SLCO3A1: variants seen among roughly 807,000 people sequenced by gnomAD.
SLCO3A1 encodes PGE1 transporter.
A neutral mutation model predicts 63.1 loss-of-function variants in SLCO3A1; 27 were observed. The ratio of observed to expected loss-of-function variants is 0.43; its 90% CI spans 0.32 to 0.59. The LOEUF (loss-of-function observed/expected upper bound fraction) is 0.59, where lower values mean the gene tolerates loss of function less well. Among genes scored for constraint, SLCO3A1 ranks in the 20% least tolerant of loss-of-function variants. SLCO3A1 has a pLI of 0.09. For synonymous variants in SLCO3A1, 473 were observed against 409.9 expected, an observed-to-expected ratio of 1.15 and a Z score of -1.86; for missense variants, 773 against 945.8, an observed-to-expected ratio of 0.82 and a Z score of 2.40.
intron 2 of SLCO3A1, among the ~76,000 whole-genome samples, chr15:92,086,802 C>A (rs933520926): frequency 2.0e-5 from 3 of 151,938 alleles, no homozygotes; most frequent in Non-Finnish European, 2.9e-5. Flanking sequence ...ATGGTGAAAC[C>A]CCGTCTCTAC....
At chr15:92,146,861 G>C in intron 7 of SLCO3A1, 123 bp from the exon 8 acceptor site, 1 of 835,268 alleles carries the variant, frequency 1.2e-6, no homozygotes, top group Non-Finnish European at 1.8e-6. Context: ...CGTTTATTCA[G>C]GCCTAATTAA....
chr15:92,056,453 C>T (rs942340943), intron 2 of SLCO3A1, among the ~76,000 whole-genome samples: 2 of 152,146 alleles, frequency 1.3e-5, no homozygotes, highest in Non-Finnish European at 2.9e-5. Flanking sequence ...GTCCCTGCCA[C>T]GCTTCTATAT....
chr15:92,044,987 C>G (rs554596814), intron 2 of SLCO3A1, among the ~76,000 whole-genome samples: 3 of 152,250 alleles, frequency 2.0e-5, no homozygotes, highest in African/African-American at 4.8e-5. Context: ...CTTGATCCAT[C>G]TAACTTCTGA....
rs75932900 is a variant in SLCO3A1 at position 91,912,429 on chromosome 15, G to A, written c.181-3564G>A. The stretch of plus-strand genomic sequence containing the variant: ...GTACTACTTCCTGTCACCCCTGTGC[G>A]TTGCTCTGCAAAGAGCAGGTGGGAG... On this transcript the variant is annotated intron_variant, in intron 1 of 9. Transcript: ENST00000318445. This position sits in a 1 kb window ranked among gnomAD's most constrained non-coding sequence, Gnocchi z 5.0. Among the ~76,000 whole-genome samples, 1,856 of 152,290 alleles carry A rather than the reference G, an allele frequency of 0.012. 41 individuals carry two copies. Among genetic ancestry groups the A allele is most frequent in the African/African-American group, 0.043 (1,775 of 41,536 alleles).
At chr15:92,080,232 C>G (rs1373675942) in intron 2 of SLCO3A1, among the ~76,000 whole-genome samples, 1 of 152,216 alleles carries the variant, frequency 6.6e-6, no homozygotes, top group Non-Finnish European at 1.5e-5. Context: ...TCCTACCCCT[C>G]CCAGGCCTGG....
intron 2 of SLCO3A1, among the ~76,000 whole-genome samples, chr15:92,052,563 C>T (rs28660218): frequency 0.065 from 9,915 of 152,128 alleles, 884 homozygotes; most frequent in African/African-American, 0.21. Context: ...ACAGGGAGAT[C>T]GCTCTTCCCA....
chr15:92,065,621 A>T (rs1215476805), intron 2 of SLCO3A1, among the ~76,000 whole-genome samples: 3 of 152,168 alleles, frequency 2.0e-5, no homozygotes, highest in Non-Finnish European at 4.4e-5. Flanking sequence ...CGCCTTTCCC[A>T]AGTGGCCCCT....
chr15:92,028,301 C>T (rs1434240843), intron 2 of SLCO3A1, among the ~76,000 whole-genome samples: 1 of 152,154 alleles, frequency 6.6e-6, no homozygotes, highest in Non-Finnish European at 1.5e-5. Flanking sequence ...TCCAGGTTCC[C>T]ATTAGCATCC....
rs950008695 is a variant in SLCO3A1 at position 91,859,063 on chromosome 15, T to A, written c.180+4975T>A. Among the ~76,000 whole-genome samples, 13 of 152,254 alleles carry A rather than the reference T, an allele frequency of 8.5e-5. No individual in the cohort carries two copies. Among genetic ancestry groups the A allele is most frequent in the African/African-American group, 2.7e-4 (11 of 41,470 alleles). ...AAGTACTTCTCTTCTGCATATGTAC[T>A]CTATTCTGTACATTGCCGCATGCAT... On this transcript the variant is annotated intron_variant, in intron 1 of 9. Transcript: ENST00000318445. This position sits in a 1 kb window ranked among gnomAD's most constrained non-coding sequence, Gnocchi z 5.1.
chr15:91,928,315 C>T (rs1313931270), intron 2 of SLCO3A1, among the ~76,000 whole-genome samples: 1 of 152,130 alleles, frequency 6.6e-6, no homozygotes, highest in African/African-American at 2.4e-5. Context: ...TCTCTCACTC[C>T]CTCCTCATAA....
chr15:91,871,765 GT>G lies in SLCO3A1; in HGVS notation c.180+17697del, dbSNP rs33938693. Among the ~76,000 whole-genome samples the G allele has an allele frequency of 2.9e-3, 132 of 45,700 alleles. 2 individuals carry two copies. Among genetic ancestry groups the G allele is most frequent in the African/African-American group, 5.9e-3 (65 of 11,006 alleles). The allele number at this position is 45,700 out of a possible 152,430, so 30.0% of individuals were successfully genotyped here. On this transcript the variant is annotated intron_variant, in intron 1 of 9. Coordinates refer to ENST00000318445, the MANE Select transcript of SLCO3A1 (RefSeq NM_013272.4). Reference sequence around the variant, plus strand: ...GGTGTGCTCATTTTGTTTTTTTTTGGTTTTTTTTTTTTTTTTTTTTGGCTGA... The same window carrying G: ...GGTGTGCTCATTTTGTTTTTTTTTGGTTTTTTTTTTTTTTTTTTTGGCTGA...
chr15:91,966,011 A>G (rs1331541627), intron 2 of SLCO3A1, among the ~76,000 whole-genome samples: 2 of 152,024 alleles, frequency 1.3e-5, no homozygotes, highest in Non-Finnish European at 2.9e-5. Context: ...GAACTGGTGT[A>G]TTTCATCCCC....
At chr15:92,161,760 A>C (rs976698775) in intron 9 of SLCO3A1, 3 of 149,480 alleles carry the variant, frequency 2.0e-5, no homozygotes, top group Non-Finnish European at 4.4e-5. Flanking sequence ...CCTCTGTAGA[A>C]CACCACACAC....
chr15:92,133,543 T>C (rs2048021650), intron 7 of SLCO3A1, among the ~76,000 whole-genome samples: 1 of 145,490 alleles, frequency 6.9e-6, no homozygotes, highest in Non-Finnish European at 1.5e-5. Flanking sequence ...CTCACATTAC[T>C]GCCTGAGCTC....
At chr15:91,955,316 A>G (rs1900133873) in intron 2 of SLCO3A1, among the ~76,000 whole-genome samples, 1 of 151,280 alleles carries the variant, frequency 6.6e-6, no homozygotes, top group Non-Finnish European at 1.5e-5. Flanking sequence ...GCTGCTTTTC[A>G]TTCTATGTCA....
intron 2 of SLCO3A1, among the ~76,000 whole-genome samples, chr15:92,057,422 G>A (rs1487201648): frequency 6.6e-6 from 1 of 152,188 alleles, no homozygotes; most frequent in Non-Finnish European, 1.5e-5. Context: ...ATATTGGCAG[G>A]CTCCAAGCAT....
chr15:92,139,597 A>G lies in SLCO3A1; in HGVS notation c.1513-7387A>G, dbSNP rs190293660. On this transcript the variant is annotated intron_variant, in intron 7 of 9. Coordinates refer to ENST00000318445, the MANE Select transcript of SLCO3A1 (RefSeq NM_013272.4). ...TCTGGTAGAATTCGGCTGTGAATCC[A>G]TCTGGTTCTGGACTCTTTTTGGTTG... Among the ~76,000 whole-genome samples the G allele has an allele frequency of 3.3e-3, 507 of 152,134 alleles. 2 individuals carry two copies. The highest frequency in any genetic ancestry group is 5.9e-3 in the Non-Finnish European group (399 of 68,006).
intron 2 of SLCO3A1, among the ~76,000 whole-genome samples, chr15:91,922,849 C>G (rs1327002689): frequency 6.6e-6 from 1 of 152,186 alleles, no homozygotes; most frequent in Admixed American, 6.5e-5. Context: ...AGCTGCTGGT[C>G]GCATGCCATT....
Position 91,897,969 on chromosome 15 carries a change from T to C in SLCO3A1, c.181-18024T>C, listed in dbSNP as rs1293490136. Among the ~76,000 whole-genome samples, 1 of 152,216 alleles carries C rather than the reference T, an allele frequency of 6.6e-6. No homozygotes were observed. Among genetic ancestry groups the C allele is most frequent in the Non-Finnish European group, 1.5e-5 (1 of 68,042 alleles). On this transcript the variant is annotated intron_variant, in intron 1 of 9. Transcript: ENST00000318445. This position sits in a 1 kb window ranked among gnomAD's most constrained non-coding sequence, Gnocchi z 4.7. ...TTTAAATTAGAAAGATATCATGAGA[T>C]GCAGAAAGCAGGTGCTCATGGTTTG...
Sources: gnomAD v4.1 joint callset for allele counts (sites outside exome capture counted in the v4.1 genomes callset) on GRCh38, gnomAD v4.1.1 for gene constraint, Gnocchi (gnomAD v3.1) non-coding constraint, MANE v1.5 for transcripts, NCBI Gene and HGNC (gene_info 2026-07-23, HGNC 2026-07-21) for gene names.